Variants in WWC1 observed in about 807,000 individuals in gnomAD.
WWC1 encodes the protein WW and C2 domain containing 1, also known as protein KIBRA.
A neutral mutation model predicts 138.4 loss-of-function variants in WWC1; 55 were observed. That is an observed-to-expected ratio of 0.40 (90% CI 0.32 to 0.50). The LOEUF (loss-of-function observed/expected upper bound fraction) is 0.50, where lower values mean the gene tolerates loss of function less well. WWC1 is among the 20% of genes least tolerant of loss of function. The probability of loss-of-function intolerance (pLI) is 0.72; values close to 1 mark genes in which losing one functional copy is unlikely to be tolerated. For missense variants in WWC1, 1,226 were observed against 1,420.4 expected (o/e 0.86, Z 2.20); for synonymous variants, 524 against 564.9 (o/e 0.93, Z 1.03).
chr5:168,425,341 C>T (rs1367352601), intron 11 of WWC1, among the ~76,000 whole-genome samples: 1 of 152,146 alleles, frequency 6.6e-6, no homozygotes, highest in Non-Finnish European at 1.5e-5. Context: ...TCACCTGGGC[C>T]TTCTTGGCTT....
At chr5:168,338,036 C>T (rs927294652) in intron 1 of WWC1, among the ~76,000 whole-genome samples, 2 of 152,078 alleles carry the variant, frequency 1.3e-5, no homozygotes, top group African/African-American at 2.4e-5. Context: ...GAAGGCCAGG[C>T]GCAGGGGCTC....
chr5:168,364,939 G>T (rs891856448), intron 1 of WWC1, among the ~76,000 whole-genome samples: 1 of 152,296 alleles, frequency 6.6e-6, no homozygotes, highest in Admixed American at 6.5e-5. Flanking sequence ...GTTAACGAAG[G>T]CTCTGCTGTG....
chr5:168,306,475 T>G (rs1770577112), intron 1 of WWC1, among the ~76,000 whole-genome samples: 2 of 152,256 alleles, frequency 1.3e-5, no homozygotes, highest in Non-Finnish European at 2.9e-5. Context: ...CCTATCTTCT[T>G]ATTTTTTTCC....
chr5:168,406,294 C>T lies in WWC1; in HGVS notation c.687C>T (p.Thr229=). 1.2e-6 allele frequency: 2 copies of T among 1,614,060 alleles called. No individual in the cohort carries two copies. Among genetic ancestry groups the T allele is most frequent in the Non-Finnish European group, 1.7e-6 (2 of 1,179,932 alleles). The change falls in exon 6 of 23, where the codon ACC becomes ACT. Residue 229 remains threonine (T), a synonymous_variant. Transcript: ENST00000265293. ...CAAAAGCCATCAAAAAGGCTATTACCTGTGGGGAAAAGGAAAAGCAAGATC... is the reference window on the plus strand; with the variant it reads ...CAAAAGCCATCAAAAAGGCTATTACTTGTGGGGAAAAGGAAAAGCAAGATC... ...RETKAIKKAI[T]CGEKEKQDLI...
At chr5:168,432,330 C>T (rs1782015573) in intron 15 of WWC1, among the ~76,000 whole-genome samples, 1 of 152,200 alleles carries the variant, frequency 6.6e-6, no homozygotes, top group Non-Finnish European at 1.5e-5. Context: ...CTCCCTGAAA[C>T]TGACCTTCTC....
chr5:168,451,144 G>A (rs1287474456), intron 17 of WWC1, among the ~76,000 whole-genome samples: 2 of 151,912 alleles, frequency 1.3e-5, no homozygotes, highest in African/African-American at 2.4e-5. Flanking sequence ...TCAGCCTCCC[G>A]AGTAGCTAGA....
intron 15 of WWC1, among the ~76,000 whole-genome samples, chr5:168,435,698 C>T (rs1178890477): frequency 6.6e-6 from 1 of 152,220 alleles, no homozygotes; most frequent in Non-Finnish European, 1.5e-5. Context: ...AGGCGTGAGC[C>T]ACCACACCCG....
At chr5:168,356,351 C>T (rs915994151) in intron 1 of WWC1, among the ~76,000 whole-genome samples, 9 of 152,252 alleles carry the variant, frequency 5.9e-5, no homozygotes, top group African/African-American at 1.9e-4. Context: ...CTGGCCCAAG[C>T]TCTCACGGCT....
At chr5:168,311,510 C>T (rs140046664) in intron 1 of WWC1, among the ~76,000 whole-genome samples, 3 of 152,290 alleles carry the variant, frequency 2.0e-5, no homozygotes, top group African/African-American at 4.8e-5. Context: ...CTCTTACTAG[C>T]GTGTGACCCT....
chr5:168,462,075 A>G (rs1756868371), intron 20 of WWC1, among the ~76,000 whole-genome samples: 1 of 151,828 alleles, frequency 6.6e-6, no homozygotes, highest in African/African-American at 2.4e-5. Flanking sequence ...AAAGAAAGAA[A>G]GAAAAAAGGA....
At chr5:168,407,500 A>G (rs1184824627) in intron 6 of WWC1, among the ~76,000 whole-genome samples, 2 of 152,188 alleles carry the variant, frequency 1.3e-5, no homozygotes, top group Non-Finnish European at 2.9e-5. Flanking sequence ...TAGTGAAGGA[A>G]GCTGTATGCT....
At chr5:168,365,208 T>C (rs765838285) in intron 1 of WWC1, among the ~76,000 whole-genome samples, 1 of 152,102 alleles carries the variant, frequency 6.6e-6, no homozygotes, top group Non-Finnish European at 1.5e-5. Context: ...GAACTATGCG[T>C]GTGAAACAGC....
At chr5:168,400,096 C>T (rs1779196619) in intron 5 of WWC1, among the ~76,000 whole-genome samples, 1 of 150,646 alleles carries the variant, frequency 6.6e-6, no homozygotes, top group African/African-American at 2.4e-5. Flanking sequence ...TCCAGGATAA[C>T]TTTCACCAAA....
At chr5:168,455,331 C>T (rs1029855307) in intron 18 of WWC1, 25 bp from the exon 19 acceptor site, 1 of 1,554,016 alleles carries the variant, frequency 6.4e-7, no homozygotes. Flanking sequence ...ACACTGGTGG[C>T]TTCAAGGTGT....
chr5:168,401,773 G>C (rs770131253), intron 5 of WWC1, among the ~76,000 whole-genome samples: 1 of 152,114 alleles, frequency 6.6e-6, no homozygotes, highest in African/African-American at 2.4e-5. Flanking sequence ...TCTCAAACCG[G>C]ATTCTGAACT....
chr5:168,446,664 A>G (rs552382521), intron 17 of WWC1, among the ~76,000 whole-genome samples: 1 of 152,340 alleles, frequency 6.6e-6, no homozygotes, highest in Admixed American at 6.5e-5. Context: ...CTGTTGGGCA[A>G]GTCGCTCTAA....
intron 1 of WWC1, among the ~76,000 whole-genome samples, chr5:168,328,561 T>C (rs1772762598): frequency 6.6e-6 from 1 of 152,138 alleles, no homozygotes; most frequent in Admixed American, 6.6e-5. Context: ...TCTTTTCTTT[T>C]ATTGAGACGG....
chr5:168,371,289 G>C lies in WWC1; in HGVS notation c.120-135G>C. ...TCCCGGGAACAAAGGGGACAACAGA[G>C]CTGGTGCTGCTGTGGTGTAAAACTT... On this transcript the variant is annotated intron_variant, in intron 1 of 22. Transcript: ENST00000265293. 5 of 619,974 alleles carry C rather than the reference G, an allele frequency of 8.1e-6. No homozygotes were observed. The South Asian group carries it at 9.7e-5, about 12-fold the overall frequency. 38.4% of individuals were successfully genotyped at this position (619,974 alleles called of 1,614,324 possible). A position where few individuals can be genotyped will look rare whatever the true frequency, so the allele number is the denominator to read the frequency against.
At chr5:168,431,194 C>G in intron 14 of WWC1, 58 bp from the exon 15 acceptor site, 1 of 1,490,078 alleles carries the variant, frequency 6.7e-7, no homozygotes, top group Non-Finnish European at 9.1e-7. Context: ...TTTAGTCCAA[C>G]ATTTTAGCCC....
Sources: allele counts gnomAD v4.1 joint callset (sites outside exome capture counted in the v4.1 genomes callset), GRCh38; gene constraint gnomAD v4.1.1; transcripts MANE v1.5; gene names NCBI Gene and HGNC (gene_info 2026-07-23, HGNC 2026-07-21).